OTOGL: variants seen among roughly 807,000 people sequenced by gnomAD.
OTOGL encodes the protein otogelin like, also known as otogelin-like protein.
OTOGL carries 285 observed loss-of-function variants against 318.5 expected under a neutral mutation model. That is an observed-to-expected ratio of 0.89 (90% CI 0.81 to 0.99). OTOGL has a LOEUF of 0.99. OTOGL is among the 50% of genes least tolerant of loss of function. The pLI is 0.00. For missense variants in OTOGL, 2,899 were observed against 2,845.6 expected, an observed-to-expected ratio of 1.02 and a Z score of -0.43; for synonymous variants, 987 against 936.5, an observed-to-expected ratio of 1.05 and a Z score of -0.99.
intron 22 of OTOGL, among the ~76,000 whole-genome samples, chr12:80,269,756 TTAACA>T (rs1421021836): frequency 6.6e-5 from 10 of 152,210 alleles, no homozygotes; most frequent in Non-Finnish European, 1.0e-4. Flanking sequence ...CTTCTATCTC[TTAACA>T]TATTTCTATG....
chr12:80,288,100 C>CA (rs1302787426), intron 26 of OTOGL, among the ~76,000 whole-genome samples: 6 of 152,124 alleles, frequency 3.9e-5, no homozygotes, highest in African/African-American at 1.4e-4. Flanking sequence ...CTGGTGGTGA[C>CA]AAAATCCCTC....
At position 80,295,680 on chromosome 12, in the gene OTOGL, G is replaced by A. The variant is rs144617229; in HGVS notation, c.2929-1147G>A. Among the ~76,000 whole-genome samples the A allele has an allele frequency of 4.7e-4, 71 of 152,260 alleles. 1 individual carries two copies. The East Asian group carries it at 0.013, about 29-fold the overall frequency. On this transcript the variant is annotated intron_variant, in intron 26 of 58. Coordinates refer to ENST00000547103, the MANE Select transcript of OTOGL (RefSeq NM_001378609.3). ...CAGTGAATGGGCTCTTAGAGCAGTA[G>A]CTTTTAACTTTGGGGGAGATTAGGA...
At chr12:80,286,236 G>A (rs1465853084) in intron 26 of OTOGL, among the ~76,000 whole-genome samples, 1 of 152,188 alleles carries the variant, frequency 6.6e-6, no homozygotes, top group Non-Finnish European at 1.5e-5. Flanking sequence ...CTTGATCGTG[G>A]TGGATAAGCT....
chr12:80,124,859 G>C (rs1870715377), intron 1 of OTOGL, among the ~76,000 whole-genome samples: 1 of 152,174 alleles, frequency 6.6e-6, no homozygotes, highest in African/African-American at 2.4e-5. Flanking sequence ...TGGTGTATAA[G>C]AATGCTTGTG....
intron 1 of OTOGL, among the ~76,000 whole-genome samples, chr12:80,107,181 A>G (rs921428691): frequency 2.6e-5 from 4 of 152,120 alleles, no homozygotes; most frequent in African/African-American, 9.7e-5. Flanking sequence ...ACTTCATGAA[A>G]TGTTATTCAA....
At chr12:80,254,935 T>C in intron 15 of OTOGL, 105 bp from the exon 16 acceptor site, 1 of 973,364 alleles carries the variant, frequency 1.0e-6, no homozygotes, top group Non-Finnish European at 1.4e-6. Context: ...TTACCCTAAG[T>C]TGATCTGCTT....
intron 1 of OTOGL, among the ~76,000 whole-genome samples, chr12:80,125,495 TTC>T (rs1870766932): frequency 6.6e-6 from 1 of 152,212 alleles, no homozygotes; most frequent in African/African-American, 2.4e-5. Context: ...TGGTCTAAAA[TTC>T]TCTTTTTTGA....
Position 80,370,718 on chromosome 12 carries a change from T to C in OTOGL, c.6735+29T>C, listed in dbSNP as rs191933904. On this transcript the variant is annotated intron_variant, in intron 56 of 58. Coordinates refer to ENST00000547103, the MANE Select transcript of OTOGL (RefSeq NM_001378609.3). ...TGTACTTTGTTGTATCTAAGAAAAT[T>C]TATTATTATATAATTTAGAAAATAC... The C allele has an allele frequency of 6.6e-5, 95 of 1,449,984 alleles. No homozygotes were observed. In the African/African-American group the frequency reaches 1.3e-3, roughly 20 times the overall value. The allele number at this position is 1,449,984 out of a possible 1,614,324, so 89.8% of individuals were successfully genotyped here.
chr12:80,313,987 G>A (rs1241214213), intron 31 of OTOGL, among the ~76,000 whole-genome samples: 1 of 151,966 alleles, frequency 6.6e-6, no homozygotes, highest in African/African-American at 2.4e-5. Context: ...CCTTGAATTT[G>A]CTTTCAGATT....
At position 80,336,798 on chromosome 12, in the gene OTOGL, A is replaced by G; in HGVS notation, c.4745A>G (p.Asn1582Ser). The change falls in exon 41 of 59, where the codon AAT becomes AGT. Residue 1582 changes from asparagine to serine, a missense_variant and splice_region_variant. Asn to Ser is a conservative substitution (Grantham distance 46, BLOSUM62 1). Coordinates refer to ENST00000547103, the MANE Select transcript of OTOGL (RefSeq NM_001378609.3). Reference protein sequence around the residue: ...AHIEKCSMNQNGNSLKKLAPS... With the variant: ...AHIEKCSMNQSGNSLKKLAPS... ...AAGTATTTCTTTTTTTTTTTCCAGA[A>G]TGGAAACTCCTTAAAAAAGCTAGTG... 6.6e-7 allele frequency: 1 copy of G among 1,521,122 alleles called. No homozygotes were observed. Among genetic ancestry groups the G allele is most frequent in the East Asian group, 2.5e-5 (1 of 40,650 alleles). The allele number at this position is 1,521,122 out of a possible 1,614,324, so 94.2% of individuals were successfully genotyped here.
intron 5 of OTOGL, among the ~76,000 whole-genome samples, chr12:80,219,180 C>T (rs549579376): frequency 2.6e-5 from 4 of 152,150 alleles, no homozygotes; most frequent in South Asian, 4.2e-4. Context: ...GGCGTGATCT[C>T]GGCTCACTGC....
intron 57 of OTOGL, 112 bp downstream of exon 57, chr12:80,372,176 A>G (rs1426322621): frequency 3.2e-6 from 2 of 618,034 alleles, no homozygotes; most frequent in Middle Eastern, 3.6e-4. Context: ...AGAGAAACAA[A>G]TTTTATAAAA....
chr12:80,321,647 A>G (rs1329658282), intron 34 of OTOGL, among the ~76,000 whole-genome samples: 1 of 152,168 alleles, frequency 6.6e-6, no homozygotes, highest in East Asian at 1.9e-4. Flanking sequence ...AAAGATTCCT[A>G]AGTCTGGCAG....
At chr12:80,151,503 A>T (rs1413008447) in intron 1 of OTOGL, among the ~76,000 whole-genome samples, 2 of 152,238 alleles carry the variant, frequency 1.3e-5, no homozygotes, top group Non-Finnish European at 2.9e-5. Flanking sequence ...CTCTCTAAAA[A>T]AAATAAATAA....
chr12:80,167,543 T>C (rs1873903422), intron 1 of OTOGL, among the ~76,000 whole-genome samples: 1 of 151,986 alleles, frequency 6.6e-6, no homozygotes, highest in African/African-American at 2.4e-5. Flanking sequence ...TTAATTTGGG[T>C]AATATAATCT....
At position 80,238,499 on chromosome 12, in the gene OTOGL, C is replaced by G. The variant is rs12316628; in HGVS notation, c.818-352C>G. On this transcript the variant is annotated intron_variant, in intron 9 of 58. Coordinates refer to ENST00000547103, the MANE Select transcript of OTOGL (RefSeq NM_001378609.3). ...TTTACACTAAACGTTTATATTTTTTCGTTTTACGCATATTTTTTCTCCTTT... is the reference window on the plus strand; with the variant it reads ...TTTACACTAAACGTTTATATTTTTTGGTTTTACGCATATTTTTTCTCCTTT... Among the ~76,000 whole-genome samples the G allele has an allele frequency of 8.7e-3, 1,316 of 151,956 alleles. 27 individuals are homozygous for G. The highest frequency in any genetic ancestry group is 0.03 in the African/African-American group (1,253 of 41,470).
At chr12:80,343,106 C>T (rs187761610) in intron 44 of OTOGL, among the ~76,000 whole-genome samples, 1 of 152,136 alleles carries the variant, frequency 6.6e-6, no homozygotes, top group African/African-American at 2.4e-5. Context: ...GATCTCCTGA[C>T]CTCGTGATCA....
intron 1 of OTOGL, among the ~76,000 whole-genome samples, chr12:80,183,314 T>C (rs1875057799): frequency 6.6e-6 from 1 of 152,248 alleles, no homozygotes; most frequent in Admixed American, 6.5e-5. Context: ...TTGTGATTTA[T>C]GTTTCCTCAG....
At chr12:80,108,219 G>A (rs1869572868) in intron 1 of OTOGL, among the ~76,000 whole-genome samples, 1 of 151,954 alleles carries the variant, frequency 6.6e-6, no homozygotes, top group African/African-American at 2.4e-5. Context: ...TAGAACATTG[G>A]ATTTTTGTCA....
Sources: allele counts gnomAD v4.1 joint callset (sites outside exome capture counted in the v4.1 genomes callset), GRCh38; gene constraint gnomAD v4.1.1; transcripts MANE v1.5; gene names NCBI Gene and HGNC (gene_info 2026-07-23, HGNC 2026-07-21).